Variants in ROR2 observed in about 807,000 individuals in gnomAD.
ROR2 encodes tyrosine-protein kinase transmembrane receptor ROR2.
In ROR2, 33 loss-of-function variants were observed where a neutral mutation model predicts 74.9. The observed-to-expected ratio is 0.44, with a 90% CI of 0.33 to 0.59. The LOEUF is 0.59. Among genes scored for constraint, ROR2 ranks in the 20% least tolerant of loss-of-function variants. The pLI, the probability that ROR2 is intolerant of heterozygous loss-of-function variation, is 0.02. For missense variants in ROR2, 1,216 were observed against 1,313.8 expected (o/e 0.93, Z 1.15); for synonymous variants, 586 against 558.7 (o/e 1.05, Z -0.69).
chr9:91,854,550 T>G (rs1189685615), intron 1 of ROR2, among the ~76,000 whole-genome samples: 2 of 152,236 alleles, frequency 1.3e-5, no homozygotes, highest in South Asian at 2.1e-4. Flanking sequence ...TGAAGGAGAC[T>G]GGCCTTCCTA....
chr9:91,857,687 C>A (rs112795818), intron 1 of ROR2, among the ~76,000 whole-genome samples: 1,896 of 152,196 alleles, frequency 0.012, 41 homozygotes, highest in African/African-American at 0.042. Context: ...CCGGCAGGAG[C>A]AGGCAACTTC....
intron 1 of ROR2, among the ~76,000 whole-genome samples, chr9:91,914,521 G>T (rs1831074685): frequency 6.6e-6 from 1 of 152,210 alleles, no homozygotes; most frequent in African/African-American, 2.4e-5. Context: ...TCCCATTGGG[G>T]TTGTGAATGA....
chr9:91,811,668 G>A (rs1338765369), intron 1 of ROR2, among the ~76,000 whole-genome samples: 1 of 152,194 alleles, frequency 6.6e-6, no homozygotes, highest in Non-Finnish European at 1.5e-5. Flanking sequence ...CAGACACCCA[G>A]GGCCGGGGAT....
chr9:91,909,760 G>A (rs924967819), intron 1 of ROR2, among the ~76,000 whole-genome samples: 9 of 148,866 alleles, frequency 6.0e-5, no homozygotes, highest in African/African-American at 2.2e-4. Flanking sequence ...AAGACATACT[G>A]GACATACTGT....
chr9:91,724,792 G>T lies in ROR2; in HGVS notation c.1702C>A (p.Arg568Ser), dbSNP rs372409286. ...CTGCCCACGTCCGAGTGCGGCGAGC[G>T]CATGACCAGGAATTCGTGGAGGTCG... is the stretch of plus-strand genomic sequence containing the variant. The part of the protein sequence containing the change: ...HGDLHEFLVM[R>S]SPHSDVGSTD... Residue 568 changes from arginine to serine, a missense_variant, in exon 9 of 9, where the codon CGC (arginine) becomes AGC (serine). By Grantham distance (110) the Arg-to-Ser change is moderately radical. Coordinates refer to ENST00000375708, the MANE Select transcript of ROR2 (RefSeq NM_004560.4). 6.2e-7 allele frequency: 1 copy of T among 1,610,240 alleles called. No individual in the cohort carries two copies. Among genetic ancestry groups the T allele is most frequent in the Non-Finnish European group, 8.5e-7 (1 of 1,177,012 alleles).
intron 4 of ROR2, among the ~76,000 whole-genome samples, chr9:91,755,240 G>A (rs1465872506): frequency 1.3e-5 from 2 of 152,196 alleles, no homozygotes; most frequent in Admixed American, 1.3e-4. Flanking sequence ...CTCCCAACGT[G>A]GTGTTGCAGC....
chr9:91,915,149 C>G (rs1397980396), intron 1 of ROR2, among the ~76,000 whole-genome samples: 1 of 152,244 alleles, frequency 6.6e-6, no homozygotes, highest in Middle Eastern at 3.4e-3. Flanking sequence ...AGCAGCTGGT[C>G]GGAGTTGTCA....
chr9:91,742,486 A>G (rs1216820563), intron 4 of ROR2, among the ~76,000 whole-genome samples: 4 of 152,214 alleles, frequency 2.6e-5, no homozygotes, highest in Non-Finnish European at 5.9e-5. Flanking sequence ...TGGAAACTAT[A>G]AAAGAACTAA....
At chr9:91,822,694 T>A (rs1245245110) in intron 1 of ROR2, among the ~76,000 whole-genome samples, 1 of 152,176 alleles carries the variant, frequency 6.6e-6, no homozygotes, top group Non-Finnish European at 1.5e-5. Flanking sequence ...TGTCCAAGTA[T>A]CGTCCTACAG....
Position 91,892,204 on chromosome 9 carries a change from G to A in ROR2, c.97+57663C>T, listed in dbSNP as rs541050839. 4.2e-4 allele frequency among the ~76,000 whole-genome samples: 64 copies of A among 152,230 alleles called. 1 individual carries two copies. The South Asian group carries it at 0.012, about 29-fold the overall frequency. The stretch of plus-strand genomic sequence containing the variant: ...GATAATCTCCCTTTCTAAACTCACC[G>A]TGCCACACAACACAACCTAGTGATG... On this transcript the variant is annotated intron_variant, in intron 1 of 8. Coordinates refer to ENST00000375708, the MANE Select transcript of ROR2 (RefSeq NM_004560.4).
chr9:91,852,396 C>G (rs1368343623), intron 1 of ROR2, among the ~76,000 whole-genome samples: 1 of 152,216 alleles, frequency 6.6e-6, no homozygotes, highest in Non-Finnish European at 1.5e-5. Flanking sequence ...TTTGCAACCT[C>G]CTAGTGTCCT....
At chr9:91,768,434 G>A (rs1160233822) in intron 2 of ROR2, among the ~76,000 whole-genome samples, 1 of 152,206 alleles carries the variant, frequency 6.6e-6, no homozygotes, top group Non-Finnish European at 1.5e-5. Flanking sequence ...TGCACACCCT[G>A]GGGACAGACA....
In ROR2 at chr9:91,833,009, G is replaced by C. The variant is rs114376432; in HGVS notation, c.98-57191C>G. On this transcript the variant is annotated intron_variant, in intron 1 of 8. Transcript: ENST00000375708. ...GGGTAGGAGCCCACCAGCAAGTCAG[G>C]ATGTGGTACACAAAAGCAGGTGAGG... 9.6e-3 allele frequency among the ~76,000 whole-genome samples: 1,467 copies of C among 152,250 alleles called. 27 individuals are homozygous for C. Among genetic ancestry groups the C allele is most frequent in the African/African-American group, 0.034 (1,397 of 41,534 alleles).
rs560053342 is a variant in ROR2, at chr9:91,864,565, A to G, written c.97+85302T>C. 5.3e-4 allele frequency among the ~76,000 whole-genome samples: 81 copies of G among 152,348 alleles called. 1 individual carries two copies. The highest frequency in any genetic ancestry group is 9.7e-4 in the Non-Finnish European group (66 of 68,036). ...CGCTGCCATAGATCAAAGCATGTGG[A>G]AGGCTTCTGGCCAGGACTGCAACAC... On this transcript the variant is annotated intron_variant, in intron 1 of 8. Coordinates refer to ENST00000375708, the MANE Select transcript of ROR2 (RefSeq NM_004560.4).
intron 1 of ROR2, among the ~76,000 whole-genome samples, chr9:91,862,200 G>A (rs1036401947): frequency 3.9e-5 from 6 of 152,118 alleles, no homozygotes; most frequent in African/African-American, 1.4e-4. Flanking sequence ...TGTGGTGGTG[G>A]GCGCCTGTAG....
chr9:91,920,825 T>C (rs758577058), intron 1 of ROR2, among the ~76,000 whole-genome samples: 3 of 152,208 alleles, frequency 2.0e-5, no homozygotes, highest in Non-Finnish European at 4.4e-5. Context: ...AAGAAAGATC[T>C]GAAGTGAACA....
At chr9:91,918,901 A>G (rs1019719576) in intron 1 of ROR2, among the ~76,000 whole-genome samples, 4 of 152,166 alleles carry the variant, frequency 2.6e-5, no homozygotes, top group African/African-American at 9.7e-5. Flanking sequence ...AAATTCAGCA[A>G]TAAGCCCACA....
At chr9:91,886,502 ACGGCGCGG>A (rs1391437038) in intron 1 of ROR2, among the ~76,000 whole-genome samples, 1 of 117,716 alleles carries the variant, frequency 8.5e-6, no homozygotes, top group African/African-American at 5.6e-5. Context: ...GCACCCACGC[ACGGCGCGG>A]CAGCCCCTCC....
chr9:91,897,162 A>G (rs373122424), intron 1 of ROR2, among the ~76,000 whole-genome samples: 1 of 152,244 alleles, frequency 6.6e-6, no homozygotes, highest in African/African-American at 2.4e-5. Flanking sequence ...TGATCAGAAT[A>G]ACTGCTCCCA....
Sources: gnomAD v4.1 joint callset for allele counts (sites outside exome capture counted in the v4.1 genomes callset) on GRCh38, gnomAD v4.1.1 for gene constraint, MANE v1.5 for transcripts, NCBI Gene and HGNC (gene_info 2026-07-23, HGNC 2026-07-21) for gene names.